PKHD1L1: variants seen among roughly 807,000 people sequenced by gnomAD.
PKHD1L1 encodes PKHD1 like 1.
In PKHD1L1, 434 loss-of-function variants were observed where a neutral mutation model predicts 462.9. The observed-to-expected ratio is 0.94, with a 90% confidence interval of 0.87 to 1.02. The LOEUF is 1.02. Ranked by LOEUF, PKHD1L1 falls within the 50% of genes least tolerant of loss-of-function variation. The pLI, the probability that PKHD1L1 is intolerant of heterozygous loss-of-function variation, is 0.00. For missense variants in PKHD1L1, 5,202 were observed against 5,096.1 expected, an observed-to-expected ratio of 1.02 and a Z score of -0.63; for synonymous variants, 1,781 against 1,750.0, an observed-to-expected ratio of 1.02 and a Z score of -0.44.
Position 109,398,522 on chromosome 8 carries a change from C to T in PKHD1L1, c.986C>T (p.Pro329Leu). The T allele has an allele frequency of 6.4e-7, 1 of 1,569,942 alleles. No homozygotes were observed. The highest frequency in any genetic ancestry group is 2.3e-5 in the East Asian group (1 of 43,816). ...ATATGTTGCAAGACACCCCCCAAACCTCATATTCTCAAAACTGTATATCCA... is the reference window on the plus strand; with the variant it reads ...ATATGTTGCAAGACACCCCCCAAACTTCATATTCTCAAAACTGTATATCCA... ...NSICCKTPPK[P>L]HILKTVYPGG... is the part of the protein sequence containing the mutation. The change falls in exon 12 of 78, where the codon CCT becomes CTT. Residue 329 changes from proline to leucine, a missense_variant. Physicochemically the swap from Pro to Leu is moderately conservative, Grantham distance 98 (BLOSUM62 -3). Coordinates refer to ENST00000378402, the MANE Select transcript of PKHD1L1 (RefSeq NM_177531.6).
chr8:109,445,228 C>T lies in PKHD1L1; in HGVS notation c.5359C>T (p.Gln1787Ter), dbSNP rs546606886. 4.3e-6 allele frequency: 7 copies of T among 1,614,010 alleles called. No homozygotes were observed. The Admixed American group carries it at 8.3e-5, about 19-fold the overall frequency. ...EDIAVFIGNQ[Q>*]FRAIEVNENN... ...CATTGCTGTTTTCATTGGAAATCAA[C>T]AGTTCAGAGCAATAGAGGTTAATGA... The change falls in exon 38 of 78, where the codon CAG becomes TAG. Residue 1787 changes from glutamine to a stop codon, truncating the protein, a stop_gained. Transcript: ENST00000378402. LOFTEE classifies it high-confidence loss of function.
At position 109,388,524 on chromosome 8, in the gene PKHD1L1, G is replaced by A; in HGVS notation, c.597G>A (p.Glu199=). 4 of 1,518,908 alleles carry A rather than the reference G, an allele frequency of 2.6e-6. No individual in the cohort carries two copies. The highest frequency in any genetic ancestry group is 3.6e-6 in the Non-Finnish European group (4 of 1,118,952). 94.1% of individuals were successfully genotyped at this position (1,518,908 alleles called of 1,614,324 possible). ...TTTACATTGGAGGAATGCCCTGTGA[G>A]CTTCTCATACCACAATCTGATAATT... ...LRVYIGGMPC[E]LLIPQSDNLY... The change falls in exon 7 of 78, where the codon GAG becomes GAA. Residue 199 remains glutamate, a synonymous_variant. Transcript: ENST00000378402.
At position 109,362,801 on chromosome 8, in the gene PKHD1L1, G is replaced by A. The variant is rs1205165002; in HGVS notation, c.73+148G>A. On this transcript the variant is annotated intron_variant, in intron 1 of 77. Coordinates refer to ENST00000378402, the MANE Select transcript of PKHD1L1 (RefSeq NM_177531.6). ...CATGACGATCCTGGGGACCAGGGGA[G>A]CTGGATAGCAGGCCTAGCAAACAGA... 10 of 795,310 alleles carry A rather than the reference G, an allele frequency of 1.3e-5. No individual in the cohort carries two copies. In the East Asian group the frequency reaches 2.7e-4, roughly 21 times the overall value. 49.3% of individuals were successfully genotyped at this position (795,310 alleles called of 1,614,324 possible).
intron 47 of PKHD1L1, among the ~76,000 whole-genome samples, chr8:109,460,861 G>A (rs912857084): frequency 2.6e-5 from 4 of 152,096 alleles, no homozygotes; most frequent in African/African-American, 4.8e-5. Context: ...ATCTCAGCAC[G>A]GGCTTCTGTG....
chr8:109,498,091 T>TAGTAAGAGCTATTATTAA (rs1244870725), intron 65 of PKHD1L1, among the ~76,000 whole-genome samples: 1 of 69,676 alleles, frequency 1.4e-5, no homozygotes, highest in South Asian at 7.1e-4. Context: ...TGTTTTCTTT[T>TAGTAAGAGCTATTATTAA]TTTTTTTTTT....
At chr8:109,434,394 TAAG>T (rs1430624985) in intron 28 of PKHD1L1, among the ~76,000 whole-genome samples, 1 of 151,844 alleles carries the variant, frequency 6.6e-6, no homozygotes, top group African/African-American at 2.4e-5. Context: ...AAAAAAAAAG[TAAG>T]AAAATGTTTT....
At chr8:109,383,754 A>C (rs1812292104) in intron 4 of PKHD1L1, among the ~76,000 whole-genome samples, 1 of 151,806 alleles carries the variant, frequency 6.6e-6, no homozygotes, top group African/African-American at 2.4e-5. Flanking sequence ...ATTGAGCATC[A>C]AACTGCAGTT....
intron 40 of PKHD1L1, 62 bp from the exon 41 acceptor site, chr8:109,450,913 G>T: frequency 6.8e-7 from 1 of 1,472,670 alleles, no homozygotes. Context: ...ATGTTTGGAG[G>T]TTTTGGAAAT....
intron 61 of PKHD1L1, 55 bp from the exon 62 acceptor site, chr8:109,491,818 C>G: frequency 6.8e-7 from 1 of 1,466,514 alleles, no homozygotes; most frequent in African/African-American, 1.4e-5. Context: ...ATAGTCGTTG[C>G]AAATTGACTT....
At chr8:109,393,338 A>G (rs1201307904) in intron 9 of PKHD1L1, among the ~76,000 whole-genome samples, 1 of 152,116 alleles carries the variant, frequency 6.6e-6, no homozygotes, top group Admixed American at 6.6e-5. Context: ...GATGAATGAG[A>G]TTTGAGTCTT....
intron 1 of PKHD1L1, among the ~76,000 whole-genome samples, chr8:109,363,559 A>G (rs1490824405): frequency 6.6e-6 from 1 of 152,048 alleles, no homozygotes; most frequent in Non-Finnish European, 1.5e-5. Context: ...AAATTTTTCT[A>G]CCTACTGTGA....
At chr8:109,467,100 A>G (rs1422516694) in intron 50 of PKHD1L1, among the ~76,000 whole-genome samples, 5 of 152,054 alleles carry the variant, frequency 3.3e-5, no homozygotes, top group African/African-American at 1.2e-4. Flanking sequence ...GTCCTTGCTG[A>G]TTGAGATGGG....
intron 36 of PKHD1L1, 87 bp downstream of exon 36, chr8:109,443,203 C>G (rs1313976452): frequency 2.3e-6 from 3 of 1,282,816 alleles, no homozygotes; most frequent in African/African-American, 1.5e-5. Flanking sequence ...ATAACTGGGT[C>G]TAACTGTGCT....
Position 109,504,308 on chromosome 8 carries a change from T to C in PKHD1L1, c.10829-19T>C, listed in dbSNP as rs183396464. The C allele has an allele frequency of 1.8e-4, 244 of 1,341,630 alleles. 1 individual carries two copies. The African/African-American group carries it at 3.0e-3, about 16-fold the overall frequency. 83.1% of individuals were successfully genotyped at this position (1,341,630 alleles called of 1,614,324 possible). ...TTTCTTTAGAGAAAATAATCACTTA[T>C]CTATTATTTATGTTTTAGGTTCAAC... On this transcript the variant is annotated intron_variant, in intron 67 of 77. Coordinates refer to ENST00000378402, the MANE Select transcript of PKHD1L1 (RefSeq NM_177531.6).
At chr8:109,420,459 C>A in intron 22 of PKHD1L1, 59 bp from the exon 23 acceptor site, 2 of 1,157,580 alleles carry the variant, frequency 1.7e-6, no homozygotes, top group Admixed American at 3.6e-5. Context: ...GTTAATTTTA[C>A]ATGGCAAAAA....
At chr8:109,528,127 T>C (rs1820907384) in intron 77 of PKHD1L1, among the ~76,000 whole-genome samples, 1 of 152,146 alleles carries the variant, frequency 6.6e-6, no homozygotes, top group African/African-American at 2.4e-5. Context: ...GCAAATATCA[T>C]TGCATTAGCA....
At chr8:109,510,658 G>A in intron 70 of PKHD1L1, 119 bp from the exon 71 acceptor site, 1 of 1,301,916 alleles carries the variant, frequency 7.7e-7, no homozygotes, top group South Asian at 1.5e-5. Flanking sequence ...AGGTATAAAT[G>A]CTGAACTTGC....
Position 109,504,326 on chromosome 8 carries a change from G to T in PKHD1L1, c.10829-1G>T. ...TCACTTATCTATTATTTATGTTTTA[G>T]GTTCAACATTTGTTGGATTTAAGAA... On this transcript the variant is annotated splice_acceptor_variant, in intron 67 of 77. Coordinates refer to ENST00000378402, the MANE Select transcript of PKHD1L1 (RefSeq NM_177531.6). LOFTEE classifies it high-confidence loss of function. 1.4e-6 allele frequency: 2 copies of T among 1,404,882 alleles called. No homozygotes were observed. The highest frequency in any genetic ancestry group is 9.6e-7 in the Non-Finnish European group (1 of 1,046,192). 87.0% of individuals were successfully genotyped at this position (1,404,882 alleles called of 1,614,324 possible).
Position 109,438,387 on chromosome 8 carries a change from G to T in PKHD1L1, c.3691G>T (p.Ala1231Ser). The change falls in exon 31 of 78, where the codon GCT becomes TCT. Residue 1231 changes from alanine to serine, a missense_variant. Around this residue, in one of 3 missense-constraint regions of PKHD1L1, gnomAD observed 4,497 missense variants for 4,336.8 expected, o/e 1.04. Transcript: ENST00000378402. Reference protein sequence around the residue: ...TNGFQATARDAFSYNCLQTPI... With the variant: ...TNGFQATARDSFSYNCLQTPI... ...TGGATTTCAAGCCACAGCAAGGGAT[G>T]CTTTTAGTTATAATTGTTTACAGAC... 6.5e-7 allele frequency: 1 copy of T among 1,541,114 alleles called. No homozygotes were observed. Among genetic ancestry groups the T allele is most frequent in the African/African-American group, 1.4e-5 (1 of 72,908 alleles).
Sources: gnomAD v4.1 joint callset for allele counts (sites outside exome capture counted in the v4.1 genomes callset) on GRCh38, gnomAD v4.1.1 for gene constraint, gnomAD v4.1.1 regional missense constraint, MANE v1.5 for transcripts, NCBI Gene and HGNC (gene_info 2026-07-23, HGNC 2026-07-21) for gene names.